SQOR: variants seen among roughly 807,000 people sequenced by gnomAD.
The protein encoded by SQOR is sulfide:quinone oxidoreductase, mitochondrial.
Under a neutral mutation model 48.6 loss-of-function variants are expected in SQOR, and 39 were observed. That is an observed-to-expected ratio of 0.80 (90% CI 0.62 to 1.05). The LOEUF (loss-of-function observed/expected upper bound fraction) is 1.05, where lower values mean the gene tolerates loss of function less well. Ranked by LOEUF, SQOR falls within the 50% of genes least tolerant of loss-of-function variation. The probability of loss-of-function intolerance (pLI) is 0.00; values close to 1 mark genes in which losing one functional copy is unlikely to be tolerated. For missense variants in SQOR, 561 were observed against 559.9 expected (o/e 1.00, Z -0.02); for synonymous variants, 220 against 206.2 (o/e 1.07, Z -0.57).
intron 3 of SQOR, among the ~76,000 whole-genome samples, chr15:45,669,145 A>T (rs1290998453): frequency 6.8e-6 from 1 of 148,010 alleles, no homozygotes; most frequent in Non-Finnish European, 1.5e-5. Flanking sequence ...ACTAATATAT[A>T]TTTTTTATAT....
intron 2 of SQOR, 92 bp from the exon 3 acceptor site, chr15:45,661,863 A>G: frequency 1.5e-6 from 2 of 1,312,302 alleles, no homozygotes; most frequent in South Asian, 1.5e-5. Context: ...GTCAGGAGGG[A>G]GTGATTGAAA....
At chr15:45,644,688 A>G (rs1158080362) in intron 1 of SQOR, among the ~76,000 whole-genome samples, 2 of 152,176 alleles carry the variant, frequency 1.3e-5, no homozygotes, top group Non-Finnish European at 2.9e-5. Context: ...AGTGAGGGGA[A>G]AGAACAGGCA....
intron 1 of SQOR, among the ~76,000 whole-genome samples, chr15:45,651,880 T>C (rs1019287946): frequency 2.0e-4 from 31 of 151,976 alleles, no homozygotes; most frequent in African/African-American, 6.3e-4. Flanking sequence ...TCCTTCTCCT[T>C]CTTCTTCTTC....
chr15:45,636,127 C>A (rs1895000595), intron 1 of SQOR, among the ~76,000 whole-genome samples: 1 of 151,844 alleles, frequency 6.6e-6, no homozygotes, highest in Non-Finnish European at 1.5e-5. Context: ...CCGCGCTGGA[C>A]CAGAACAATG....
At chr15:45,684,898 A>G (rs1809360138) in intron 7 of SQOR, among the ~76,000 whole-genome samples, 1 of 152,140 alleles carries the variant, frequency 6.6e-6, no homozygotes, top group African/African-American at 2.4e-5. Flanking sequence ...CAGTCCCCCA[A>G]CCATGGAGGG....
chr15:45,658,483 C>T (rs909771399), intron 1 of SQOR, among the ~76,000 whole-genome samples: 13 of 152,068 alleles, frequency 8.5e-5, no homozygotes, highest in Non-Finnish European at 1.8e-4. Flanking sequence ...ATTGTGGACT[C>T]GTATATCAGT....
upstream of SQOR, among the ~76,000 whole-genome samples, chr15:45,632,351 C>A (rs998118646): frequency 6.6e-6 from 1 of 151,994 alleles, no homozygotes; most frequent in African/African-American, 2.4e-5. Context: ...TCCCGAGTAG[C>A]TGGGACTACA....
At chr15:45,659,187 T>C in intron 2 of SQOR, 30 bp downstream of exon 2, 1 of 1,458,394 alleles carries the variant, frequency 6.9e-7, no homozygotes, top group East Asian at 2.5e-5. Context: ...GGCCTGGGTG[T>C]GTGTGTACGT....
intron 1 of SQOR, among the ~76,000 whole-genome samples, chr15:45,650,716 G>T (rs980896183): frequency 9.2e-5 from 14 of 152,034 alleles, no homozygotes; most frequent in Admixed American, 8.5e-4. Context: ...GTGCTGATTG[G>T]TGTGTTTACA....
chr15:45,683,067 T>G (rs1162889302), intron 7 of SQOR, among the ~76,000 whole-genome samples: 2 of 150,050 alleles, frequency 1.3e-5, no homozygotes, highest in Non-Finnish European at 2.9e-5. Context: ...AGAAGCAAGT[T>G]GTCAATGAAC....
At chr15:45,678,611 G>A (rs923852497) in intron 6 of SQOR, among the ~76,000 whole-genome samples, 3 of 151,782 alleles carry the variant, frequency 2.0e-5, no homozygotes, top group Non-Finnish European at 2.9e-5. Flanking sequence ...GGCTCATCTA[G>A]TATCTATCTG....
At chr15:45,684,019 C>T (rs1197609275) in intron 7 of SQOR, among the ~76,000 whole-genome samples, 2 of 152,020 alleles carry the variant, frequency 1.3e-5, no homozygotes, top group African/African-American at 2.4e-5. Flanking sequence ...TCAAGCGATT[C>T]TCCTTCCTCA....
chr15:45,680,891 G>C (rs780706576), intron 6 of SQOR, among the ~76,000 whole-genome samples: 4 of 152,066 alleles, frequency 2.6e-5, no homozygotes, highest in Non-Finnish European at 4.4e-5. Context: ...GATGACTCTA[G>C]TAAGGTTTAG....
At chr15:45,634,837 C>T (rs1361054472), upstream of SQOR, 1 of 152,404 alleles carries the variant, frequency 6.6e-6, no homozygotes, top group East Asian at 1.9e-4. Context: ...CCGGCAGCAC[C>T]CCAGGCCGGA....
rs1186723072 is a variant in SQOR, at chr15:45,676,126, T to C, written c.680T>C (p.Ile227Thr). The change falls in exon 6 of 10, where the codon ATC becomes ACC. Residue 227 changes from isoleucine to threonine, a missense_variant. Transcript: ENST00000260324. ...RKTGKRSKAN[I>T]IFNTSLGAIF... is the part of the protein sequence containing the mutation. ...ACAGGGAAGCGATCCAAGGCCAATA[T>C]CATTTTCAACACTTCTCTTGGAGCC... The C allele has an allele frequency of 6.2e-7, 1 of 1,614,046 alleles. No homozygotes were observed. The highest frequency in any genetic ancestry group is 1.7e-5 in the Admixed American group (1 of 59,996).
At chr15:45,649,459 C>T (rs982944797) in intron 1 of SQOR, among the ~76,000 whole-genome samples, 4 of 152,078 alleles carry the variant, frequency 2.6e-5, no homozygotes, top group Admixed American at 2.6e-4. Context: ...GTTAAATTTA[C>T]CTTATTTATT....
chr15:45,684,467 A>G (rs1426628368), intron 7 of SQOR, among the ~76,000 whole-genome samples: 1 of 152,058 alleles, frequency 6.6e-6, no homozygotes, highest in African/African-American at 2.4e-5. Flanking sequence ...GATTCAGGTT[A>G]TATGTTTTGG....
In SQOR at chr15:45,676,105, G is replaced by C; in HGVS notation, c.659G>C (p.Gly220Ala). ...YLSEAYFRKT[G>A]KRSKANIIFN... ...TGGTTTTCTTATTTTTCTCAGACAG[G>C]GAAGCGATCCAAGGCCAATATCATT... Residue 220 changes from glycine to alanine, a missense_variant, in exon 6 of 10, where the codon GGG becomes GCG. Physicochemically the swap from Gly to Ala is moderately conservative, Grantham distance 60. Transcript: ENST00000260324. 2 of 1,612,794 alleles carry C rather than the reference G, an allele frequency of 1.2e-6. No individual in the cohort carries two copies. The highest frequency in any genetic ancestry group is 1.7e-6 in the Non-Finnish European group (2 of 1,179,702).
intron 1 of SQOR, among the ~76,000 whole-genome samples, chr15:45,658,286 T>A (rs549360112): frequency 1.0e-3 from 152 of 152,292 alleles, no homozygotes; most frequent in African/African-American, 3.6e-3. Context: ...TGTGTGTCGG[T>A]AGCCAGTGAT....
Sources: gnomAD v4.1 joint callset for allele counts (sites outside exome capture counted in the v4.1 genomes callset) on GRCh38, gnomAD v4.1.1 for gene constraint, MANE v1.5 for transcripts, NCBI Gene and HGNC (gene_info 2026-07-23, HGNC 2026-07-21) for gene names.